DNM2: variants seen among roughly 807,000 people sequenced by gnomAD.
DNM2 encodes the protein dynamin 2, also known as dynamin-2.
Under a neutral mutation model 99.0 loss-of-function variants are expected in DNM2, and 15 were observed. The observed-to-expected ratio is 0.15, with a 90% CI of 0.10 to 0.23. The LOEUF (loss-of-function observed/expected upper bound fraction) is 0.23. DNM2 is among the 10% of genes least tolerant of loss of function. DNM2 has a pLI of 1.00. For missense variants in DNM2, 742 were observed against 1,189.4 expected (o/e 0.62, Z 5.53); for synonymous variants, 525 against 481.2 (o/e 1.09, Z -1.19).
chr19:10,798,354 C>A, intron 10 of DNM2, 132 bp from the exon 11 acceptor site: 1 of 703,068 alleles, frequency 1.4e-6, no homozygotes, highest in Non-Finnish European at 2.6e-6. Flanking sequence ...GGGCCAGGAG[C>A]AAGGTGTGGG....
rs1036225095 is a variant in DNM2, at chr19:10,830,567, A to G, written c.2543+189A>G. 4 of 728,796 alleles carry G rather than the reference A, an allele frequency of 5.5e-6. No homozygotes were observed. The highest frequency in any genetic ancestry group is 8.8e-6 in the Non-Finnish European group (4 of 454,444). 45.1% of individuals were successfully genotyped at this position (728,796 alleles called of 1,614,324 possible). A position where few individuals can be genotyped will look rare whatever the true frequency, so the allele number is the denominator to read the frequency against. ...AGAGGCTTGTTCAGTGTCACAGAGT[A>G]GCGGAGCCCTGGTGACTCCGGGGCT... On this transcript the variant is annotated intron_variant, in intron 20 of 20. Coordinates refer to ENST00000389253, the MANE Select transcript of DNM2 (RefSeq NM_001005361.3). This position sits in a 1 kb window ranked among gnomAD's most constrained non-coding sequence, Gnocchi z 4.8.
chr19:10,767,523 G>C (rs1270908449), intron 2 of DNM2, among the ~76,000 whole-genome samples: 2 of 152,216 alleles, frequency 1.3e-5, no homozygotes. Context: ...TGTTGCCCAG[G>C]CTGGCCTCCA....
chr19:10,730,700 G>T (rs569188895), intron 1 of DNM2, among the ~76,000 whole-genome samples: 2 of 152,028 alleles, frequency 1.3e-5, no homozygotes, highest in South Asian at 4.1e-4. Flanking sequence ...CCTGAGGCTG[G>T]GCAGCGTGGG....
intron 1 of DNM2, among the ~76,000 whole-genome samples, chr19:10,750,374 G>A (rs750568514): frequency 7.2e-5 from 11 of 152,108 alleles, no homozygotes; most frequent in Non-Finnish European, 1.6e-4. Context: ...AGTTACTTGG[G>A]AGGCTGAGGT....
At chr19:10,793,996 A>T in intron 8 of DNM2, 141 bp downstream of exon 8, 1 of 1,385,248 alleles carries the variant, frequency 7.2e-7, no homozygotes. Flanking sequence ...TGTGGCCTGG[A>T]TGAGGTGTCC....
chr19:10,831,468 A>G lies in DNM2; in HGVS notation c.*421A>G, dbSNP rs1207968251. 2.8e-5 allele frequency: 28 copies of G among 995,022 alleles called. No homozygotes were observed. The highest frequency in any genetic ancestry group is 3.0e-5 in the Non-Finnish European group (25 of 836,452). The allele number at this position is 995,022 out of a possible 1,614,324, so 61.6% of individuals were successfully genotyped here. A position where few individuals can be genotyped will look rare whatever the true frequency, so the allele number is the denominator to read the frequency against. On this transcript the variant is annotated 3_prime_UTR_variant, in exon 21 of 21. Coordinates refer to ENST00000389253, the MANE Select transcript of DNM2 (RefSeq NM_001005361.3). This position sits in a 1 kb window ranked among gnomAD's most constrained non-coding sequence, Gnocchi z 4.3. The stretch of plus-strand genomic sequence containing the variant: ...CCAGGCCTTGCTGGGGTGCAGGGGT[A>G]TATCAACTTCCCATTAGCAGGAGCT...
intron 1 of DNM2, among the ~76,000 whole-genome samples, chr19:10,741,814 G>T (rs947920161): frequency 1.3e-5 from 2 of 152,016 alleles, no homozygotes; most frequent in African/African-American, 4.8e-5. Flanking sequence ...GCCTCCCAAA[G>T]TGCTGGGATT....
intron 1 of DNM2, among the ~76,000 whole-genome samples, chr19:10,745,505 G>A (rs1568275537): frequency 6.6e-6 from 1 of 152,134 alleles, no homozygotes. Flanking sequence ...TGGGAGGATC[G>A]CCTAGGCAGC....
rs146646495 is a variant in DNM2, at chr19:10,805,501, G to A, written c.1494-415G>A. 5.5e-3 allele frequency among the ~76,000 whole-genome samples: 837 copies of A among 152,304 alleles called. 1 individual carries two copies. Among genetic ancestry groups the A allele is most frequent in the Non-Finnish European group, 9.6e-3 (656 of 68,020 alleles). On this transcript the variant is annotated intron_variant, in intron 12 of 20. Transcript: ENST00000389253. The stretch of plus-strand genomic sequence containing the variant: ...AAATCAAAAATTAGCTGAGCATGGT[G>A]GTATGCACCTGTGGTTCCAGCTACT...
At chr19:10,725,739 A>G (rs908557957) in intron 1 of DNM2, among the ~76,000 whole-genome samples, 1 of 152,042 alleles carries the variant, frequency 6.6e-6, no homozygotes, top group Non-Finnish European at 1.5e-5. Context: ...GTCTCCTTTT[A>G]TCTGGGATCA....
intron 1 of DNM2, among the ~76,000 whole-genome samples, chr19:10,728,298 G>A (rs1287655281): frequency 6.6e-6 from 1 of 152,196 alleles, no homozygotes; most frequent in African/African-American, 2.4e-5. Context: ...TGCTTTATAG[G>A]TAGAGAAACT....
chr19:10,734,265 C>T (rs2069440283), intron 1 of DNM2, among the ~76,000 whole-genome samples: 1 of 150,762 alleles, frequency 6.6e-6, no homozygotes. Flanking sequence ...ATTGCTTGAA[C>T]CTGAGAGGCC....
At position 10,777,110 on chromosome 19, in the gene DNM2, T is replaced by C; in HGVS notation, c.590-8T>C. ...AGCCTCTGACCTCTGACCTCTGGGC[T>C]CTTTCAGGCCTACGGACCATCGGTG... On this transcript the variant is annotated splice_polypyrimidine_tract_variant and splice_region_variant and intron_variant, in intron 4 of 20. Coordinates refer to ENST00000389253, the MANE Select transcript of DNM2 (RefSeq NM_001005361.3). 1 of 1,614,140 alleles carries C rather than the reference T, an allele frequency of 6.2e-7. No homozygotes were observed. The highest frequency in any genetic ancestry group is 8.5e-7 in the Non-Finnish European group (1 of 1,180,010).
chr19:10,769,131 C>G (rs1452788182), intron 2 of DNM2, among the ~76,000 whole-genome samples: 1 of 152,194 alleles, frequency 6.6e-6, no homozygotes, highest in Non-Finnish European at 1.5e-5. Context: ...ACCAGCTGCT[C>G]AGACCGTAGC....
At position 10,805,933 on chromosome 19, in the gene DNM2, C is replaced by T. The variant is rs759366882; in HGVS notation, c.1511C>T (p.Thr504Met). 7 of 1,614,020 alleles carry T rather than the reference C, an allele frequency of 4.3e-6. No homozygotes were observed. The highest frequency in any genetic ancestry group is 4.5e-5 in the East Asian group (2 of 44,884). Reference protein sequence around the residue: ...IGFANAQQRSTQLNKKRAIPN... With the variant: ...IGFANAQQRSMQLNKKRAIPN... The stretch of plus-strand genomic sequence containing the variant: ...GGTTTCAGTGCCCAGCAGAGGAGCA[C>T]GCAGCTGAACAAGAAGAGAGCCATC... The change falls in exon 13 of 21, where the codon ACG (threonine) becomes ATG (methionine). Residue 504 changes from threonine to methionine, a missense_variant. Thr to Met is a moderately conservative substitution (Grantham distance 81, BLOSUM62 -1). Transcript: ENST00000389253.
At chr19:10,733,210 G>A (rs1299775609) in intron 1 of DNM2, among the ~76,000 whole-genome samples, 3 of 108,350 alleles carry the variant, frequency 2.8e-5, no homozygotes, top group African/African-American at 1.1e-4. Context: ...TTTTTTTTTG[G>A]AGACAGGGTC....
In DNM2 at chr19:10,765,194, G is replaced by A. The variant is rs982185234; in HGVS notation, c.235+5383G>A. Among the ~76,000 whole-genome samples the A allele has an allele frequency of 2.6e-5, 4 of 151,908 alleles. No individual in the cohort carries two copies. Among genetic ancestry groups the A allele is most frequent in the South Asian group, 2.1e-4 (1 of 4,822 alleles). On this transcript the variant is annotated intron_variant, in intron 2 of 20. Transcript: ENST00000389253. The surrounding 1 kb of genome is among the most constrained non-coding windows in gnomAD (Gnocchi z 4.4). The stretch of plus-strand genomic sequence containing the variant: ...AGGATGGTCTCGATCTCCTGACCTC[G>A]TGATCCGCCCACCTCGGCCTCCCAA...
intron 1 of DNM2, among the ~76,000 whole-genome samples, chr19:10,724,103 A>G (rs528499155): frequency 6.6e-6 from 1 of 151,442 alleles, no homozygotes; most frequent in Non-Finnish European, 1.5e-5. Context: ...AAAAAAGGCG[A>G]TAAGTATGAT....
intron 1 of DNM2, among the ~76,000 whole-genome samples, chr19:10,754,841 C>T (rs1329975336): frequency 2.0e-5 from 3 of 152,208 alleles, no homozygotes; most frequent in African/African-American, 7.2e-5. Context: ...ATCCACCCAC[C>T]TTGGCCTCCC....
Sources: gnomAD v4.1 joint callset for allele counts (sites outside exome capture counted in the v4.1 genomes callset) on GRCh38, gnomAD v4.1.1 for gene constraint, Gnocchi (gnomAD v3.1) non-coding constraint, MANE v1.5 for transcripts, NCBI Gene and HGNC (gene_info 2026-07-23, HGNC 2026-07-21) for gene names.